LHFPL6: variants seen among roughly 807,000 people sequenced by gnomAD.
LHFPL6 encodes the protein LHFPL tetraspan subfamily member 6, also known as LHFPL tetraspan subfamily member 6 protein.
A neutral mutation model predicts 20.6 loss-of-function variants in LHFPL6; 9 were observed. The observed-to-expected ratio is 0.44, with a 90% CI of 0.26 to 0.76. The LOEUF is 0.76. Ranked by LOEUF, LHFPL6 falls within the 30% of genes least tolerant of loss-of-function variation. LHFPL6 has a pLI of 0.20. For synonymous variants in LHFPL6, 105 were observed against 98.7 expected, an observed-to-expected ratio of 1.06 and a Z score of -0.38; for missense variants, 218 against 253.5, an observed-to-expected ratio of 0.86 and a Z score of 0.95.
In LHFPL6 at chr13:39,601,084, C is replaced by T. The variant is rs752762927; in HGVS notation, c.133G>A (p.Gly45Ser). 5.0e-6 allele frequency: 8 copies of T among 1,614,156 alleles called. No homozygotes were observed. The highest frequency in any genetic ancestry group is 1.7e-5 in the Admixed American group (1 of 60,016). The change falls in exon 2 of 4, where the codon GGT becomes AGT. Residue 45 changes from glycine to serine, a missense_variant. Coordinates refer to ENST00000379589, the MANE Select transcript of LHFPL6 (RefSeq NM_005780.3). ...GGATATGAGCACCTCCGGAAGGTAC[C>T]GAAGGACACAGGCTTGCCCAGCTGT... ...GSQLGKPVSFGTFRRCSYPVH... is the reference protein window; with the variant it reads ...GSQLGKPVSFSTFRRCSYPVH...
chr13:39,346,885 C>T (rs989336576), intron 3 of LHFPL6, among the ~76,000 whole-genome samples: 2 of 151,498 alleles, frequency 1.3e-5, no homozygotes, highest in African/African-American at 4.9e-5. Context: ...ATTAGCCGGG[C>T]AAATTTGATC....
intron 2 of LHFPL6, among the ~76,000 whole-genome samples, chr13:39,454,182 A>G (rs1224683127): frequency 6.6e-6 from 1 of 152,244 alleles, no homozygotes; most frequent in Admixed American, 6.5e-5. Flanking sequence ...GTCTCATTAT[A>G]AAGTATTCTA....
intron 2 of LHFPL6, among the ~76,000 whole-genome samples, chr13:39,411,956 G>A (rs1057378417): frequency 6.6e-6 from 1 of 152,214 alleles, no homozygotes; most frequent in Non-Finnish European, 1.5e-5. Context: ...GATGGATACA[G>A]CTTCCCATAC....
intron 2 of LHFPL6, among the ~76,000 whole-genome samples, chr13:39,391,353 G>A (rs996226719): frequency 3.9e-5 from 6 of 152,138 alleles, no homozygotes; most frequent in Admixed American, 1.3e-4. Context: ...GTGTGGCTAT[G>A]TTCCCCTTTG....
At chr13:39,464,668 A>G (rs1162301045) in intron 2 of LHFPL6, among the ~76,000 whole-genome samples, 2 of 150,954 alleles carry the variant, frequency 1.3e-5, no homozygotes, top group East Asian at 2.0e-4. Context: ...CTCAATGTAG[A>G]TAAATTTAAC....
At chr13:39,553,693 C>T (rs957400600) in intron 2 of LHFPL6, among the ~76,000 whole-genome samples, 4 of 152,148 alleles carry the variant, frequency 2.6e-5, no homozygotes, top group Non-Finnish European at 4.4e-5. Context: ...GCCTGGGTGA[C>T]AGAGCAAGAC....
At chr13:39,468,461 T>A (rs963395940) in intron 2 of LHFPL6, among the ~76,000 whole-genome samples, 2 of 151,414 alleles carry the variant, frequency 1.3e-5, no homozygotes, top group Non-Finnish European at 2.9e-5. Flanking sequence ...GGAGAACAAT[T>A]TGGTATTGAG....
At chr13:39,348,265 T>C (rs1869462460) in intron 3 of LHFPL6, among the ~76,000 whole-genome samples, 1 of 152,128 alleles carries the variant, frequency 6.6e-6, no homozygotes, top group African/African-American at 2.4e-5. Flanking sequence ...CAGCTTCTGT[T>C]CGTGCTTTGC....
At chr13:39,494,342 G>A (rs1869029065) in intron 2 of LHFPL6, among the ~76,000 whole-genome samples, 1 of 152,202 alleles carries the variant, frequency 6.6e-6, no homozygotes, top group Middle Eastern at 3.2e-3. Flanking sequence ...CCCTGTGGTA[G>A]ATAGGGAAAT....
intron 2 of LHFPL6, among the ~76,000 whole-genome samples, chr13:39,553,743 G>A (rs1871214542): frequency 6.6e-6 from 1 of 152,064 alleles, no homozygotes; most frequent in South Asian, 2.1e-4. Context: ...AAAAGGCCAG[G>A]TGCACGTTGG....
chr13:39,467,317 G>A (rs1872828797), intron 2 of LHFPL6, among the ~76,000 whole-genome samples: 1 of 152,150 alleles, frequency 6.6e-6, no homozygotes, highest in Non-Finnish European at 1.5e-5. Flanking sequence ...TGCTGAATGA[G>A]TGAATGAATG....
chr13:39,503,194 C>T (rs1449098438), intron 2 of LHFPL6, among the ~76,000 whole-genome samples: 2 of 152,220 alleles, frequency 1.3e-5, no homozygotes, highest in Non-Finnish European at 2.9e-5. Context: ...CACCCTCAAC[C>T]ACTGGACACA....
At chr13:39,582,369 T>C (rs934010210) in intron 2 of LHFPL6, among the ~76,000 whole-genome samples, 6 of 152,140 alleles carry the variant, frequency 3.9e-5, no homozygotes, top group Non-Finnish European at 7.4e-5. Flanking sequence ...ACCATGTGAA[T>C]TGTAGTCCAG....
At chr13:39,356,660 C>T (rs1382480830) in intron 3 of LHFPL6, among the ~76,000 whole-genome samples, 1 of 152,166 alleles carries the variant, frequency 6.6e-6, no homozygotes, top group African/African-American at 2.4e-5. Flanking sequence ...CAAAACAGCA[C>T]AATCAGAATT....
chr13:39,427,885 T>C (rs983865958), intron 2 of LHFPL6, among the ~76,000 whole-genome samples: 2 of 152,206 alleles, frequency 1.3e-5, no homozygotes, highest in African/African-American at 2.4e-5. Flanking sequence ...GTTAATTTGA[T>C]AGAGTTATCA....
chr13:39,373,097 C>T (rs1459496526), intron 3 of LHFPL6, among the ~76,000 whole-genome samples: 2 of 152,214 alleles, frequency 1.3e-5, no homozygotes, highest in Non-Finnish European at 2.9e-5. Context: ...GGTTAGGTCC[C>T]CTTGAAATAT....
At chr13:39,418,684 T>C (rs1871407428) in intron 2 of LHFPL6, among the ~76,000 whole-genome samples, 1 of 152,212 alleles carries the variant, frequency 6.6e-6, no homozygotes, top group African/African-American at 2.4e-5. Context: ...ATAGCGGTTG[T>C]GCATTTTCTT....
chr13:39,581,616 A>C (rs1489554721), intron 2 of LHFPL6, among the ~76,000 whole-genome samples: 1 of 148,440 alleles, frequency 6.7e-6, no homozygotes, highest in South Asian at 2.1e-4. Context: ...TTTTCTAACT[A>C]CATGGTCACT....
chr13:39,378,242 A>AG (rs1203886677), intron 3 of LHFPL6, among the ~76,000 whole-genome samples, 186 bp downstream of exon 3: 5 of 152,196 alleles, frequency 3.3e-5, no homozygotes, highest in African/African-American at 1.2e-4. Flanking sequence ...CATAGTACTG[A>AG]GCAAACAGTA....
Sources: allele counts gnomAD v4.1 joint callset (sites outside exome capture counted in the v4.1 genomes callset), GRCh38; gene constraint gnomAD v4.1.1; transcripts MANE v1.5; gene names NCBI Gene and HGNC (gene_info 2026-07-23, HGNC 2026-07-21).